Variants in ANK2 observed in about 807,000 individuals in gnomAD.
ANK2 encodes ankyrin 2, also known as ankyrin-2.
ANK2 carries 83 observed loss-of-function variants against 360.5 expected under a neutral mutation model. The ratio of observed to expected loss-of-function variants is 0.23; its 90% CI spans 0.19 to 0.28. The LOEUF (loss-of-function observed/expected upper bound fraction) is 0.28. ANK2 is among the 10% of genes least tolerant of loss of function. ANK2 has a pLI of 1.00. For missense variants in ANK2, 4,201 were observed against 4,795.7 expected, an observed-to-expected ratio of 0.88 and a Z score of 3.66; for synonymous variants, 1,740 against 1,759.5, an observed-to-expected ratio of 0.99 and a Z score of 0.28.
chr4:113,152,065 C>CAAAAAA (rs1232657248), intron 1 of ANK2, among the ~76,000 whole-genome samples: 161 of 62,028 alleles, frequency 2.6e-3, no homozygotes, highest in East Asian at 7.2e-3. Context: ...GTCTCTGTCT[C>CAAAAAA]AAAAAAAAAA....
At chr4:112,819,347 T>C (rs2056330377) in intron 1 of ANK2, among the ~76,000 whole-genome samples, 1 of 152,194 alleles carries the variant, frequency 6.6e-6, no homozygotes, top group Non-Finnish European at 1.5e-5. Context: ...TCTTTAAGCA[T>C]TGGAAAATCT....
chr4:112,958,690 AT>A (rs1398793664), intron 2 of ANK2, among the ~76,000 whole-genome samples: 1 of 151,836 alleles, frequency 6.6e-6, no homozygotes, highest in Non-Finnish European at 1.5e-5. Flanking sequence ...ATGTTAATCA[AT>A]TTTTTGTTAC....
At chr4:112,801,507 C>A in the ANK2 span, among the ~76,000 whole-genome samples, 1 of 152,106 alleles carries the variant, frequency 6.6e-6, no homozygotes, top group East Asian at 1.9e-4. Context: ...ACAGAGAAGG[C>A]ACAGGATGCT....
the ANK2 span, among the ~76,000 whole-genome samples, chr4:112,790,164 T>C: frequency 3.3e-5 from 5 of 151,876 alleles, no homozygotes; most frequent in South Asian, 2.1e-4. Flanking sequence ...TAGTTTGTCA[T>C]TGTGGAAAAA....
chr4:113,341,546 C>G, intron 32 of ANK2, 142 bp from the exon 33 acceptor site: 5 of 778,656 alleles, frequency 6.4e-6, no homozygotes, highest in Non-Finnish European at 1.1e-5. Context: ...TTTCCTTTGG[C>G]CTTCTCTCAT....
intron 4 of ANK2, among the ~76,000 whole-genome samples, chr4:113,208,134 G>C (rs1584902284): frequency 6.6e-6 from 1 of 152,050 alleles, no homozygotes; most frequent in Non-Finnish European, 1.5e-5. Context: ...ATATGAAGCT[G>C]GCTTGGGGGT....
the ANK2 span, among the ~76,000 whole-genome samples, chr4:112,728,782 T>C: frequency 2.6e-5 from 4 of 152,084 alleles, no homozygotes; most frequent in Non-Finnish European, 5.9e-5. Context: ...CATACATGTA[T>C]ATACACAGAA....
chr4:113,038,329 A>T (rs1258673822), intron 2 of ANK2, among the ~76,000 whole-genome samples: 1 of 152,058 alleles, frequency 6.6e-6, no homozygotes, highest in African/African-American at 2.4e-5. Context: ...GAGAAGAAAT[A>T]GTAGCGTTTG....
At chr4:112,812,072 C>G in the ANK2 span, among the ~76,000 whole-genome samples, 1 of 55,118 alleles carries the variant, frequency 1.8e-5, no homozygotes, top group Non-Finnish European at 2.8e-5. Context: ...AAGACTCCGT[C>G]TCAAAAAAAA....
At chr4:112,937,677 C>T (rs2093870388) in intron 2 of ANK2, among the ~76,000 whole-genome samples, 1 of 152,178 alleles carries the variant, frequency 6.6e-6, no homozygotes. Flanking sequence ...AGTTTGGTTT[C>T]CTTGCCTGAA....
chr4:113,343,918 A>G (rs1301479385), intron 34 of ANK2, among the ~76,000 whole-genome samples: 1 of 151,828 alleles, frequency 6.6e-6, no homozygotes, highest in African/African-American at 2.4e-5. Flanking sequence ...TTCCAATCCT[A>G]CTTCACCTAC....
intron 24 of ANK2, among the ~76,000 whole-genome samples, chr4:113,313,949 G>C (rs998940808): frequency 1.3e-5 from 2 of 152,168 alleles, no homozygotes; most frequent in Non-Finnish European, 2.9e-5. Flanking sequence ...CATGACCCAG[G>C]TATTGCTTTG....
chr4:113,051,056 G>A (rs2066753785), intron 1 of ANK2, among the ~76,000 whole-genome samples: 1 of 152,094 alleles, frequency 6.6e-6, no homozygotes, highest in Non-Finnish European at 1.5e-5. Context: ...GGATAATTCA[G>A]GGCAAGCAGG....
Position 112,984,259 on chromosome 4 carries a change from C to T in ANK2, c.21+79745C>T, listed in dbSNP as rs564508048. Among the ~76,000 whole-genome samples the T allele has an allele frequency of 1.6e-4, 25 of 152,212 alleles. No individual in the cohort carries two copies. In the South Asian group the frequency reaches 4.4e-3, roughly 26 times the overall value. On this transcript the variant is annotated intron_variant, in intron 2 of 30. Coordinates refer to the ANK2 transcript ENST00000503271. ...TGGTCAGCGTATTGGTCCGTTTTCA[C>T]GCTGCTGATAAAGACATACCTGAGA...
At chr4:112,853,566 A>G (rs2065576372) in intron 1 of ANK2, among the ~76,000 whole-genome samples, 3 of 152,242 alleles carry the variant, frequency 2.0e-5, no homozygotes, top group African/African-American at 4.8e-5. Flanking sequence ...AAGTTTCCTT[A>G]AAGAAATTCT....
the ANK2 span, among the ~76,000 whole-genome samples, chr4:112,805,738 C>T: frequency 1.3e-5 from 2 of 151,930 alleles, no homozygotes; most frequent in South Asian, 2.1e-4. Context: ...CATGCCACCA[C>T]GCCTGGCTAA....
chr4:113,306,618 A>G (rs1044896241), intron 23 of ANK2, among the ~76,000 whole-genome samples: 2 of 152,256 alleles, frequency 1.3e-5, no homozygotes, highest in Admixed American at 6.5e-5. Context: ...CTAAATCTCT[A>G]TAATGCTAGG....
intron 1 of ANK2, among the ~76,000 whole-genome samples, chr4:112,881,405 C>T (rs927634099): frequency 9.2e-5 from 14 of 152,206 alleles, no homozygotes. Context: ...CACTGCACTC[C>T]TGCCTGGGCA....
intron 20 of ANK2, among the ~76,000 whole-genome samples, chr4:113,290,836 G>C (rs533662284): frequency 1.3e-5 from 2 of 152,248 alleles, no homozygotes; most frequent in Non-Finnish European, 2.9e-5. Flanking sequence ...GGTAGCACTG[G>C]GTCTAGAGCT....
Sources: gnomAD v4.1 joint callset for allele counts (sites outside exome capture counted in the v4.1 genomes callset) on GRCh38, gnomAD v4.1.1 for gene constraint, MANE v1.5 for transcripts, NCBI Gene and HGNC (gene_info 2026-07-23, HGNC 2026-07-21) for gene names.